Variants in ZC3H4 observed in about 807,000 individuals in gnomAD.
The protein encoded by ZC3H4 is zinc finger CCCH domain-containing protein 4.
Under a neutral mutation model 108.3 loss-of-function variants are expected in ZC3H4, and 13 were observed. That is an observed-to-expected ratio of 0.12 (90% CI 0.08 to 0.19). The LOEUF is 0.19. ZC3H4 is among the 10% of genes least tolerant of loss of function. The pLI, the probability that ZC3H4 is intolerant of heterozygous loss-of-function variation, is 1.00. For missense variants in ZC3H4, 1,734 were observed against 1,838.8 expected, an observed-to-expected ratio of 0.94 and a Z score of 1.04; for synonymous variants, 917 against 749.6, an observed-to-expected ratio of 1.22 and a Z score of -3.65.
Position 47,077,420 on chromosome 19 carries a change from A to G in ZC3H4, c.1440+4093T>C, listed in dbSNP as rs145763636. ...GAGGCGGAGGTTGCAGTGAGCCGAGATCGCATCATTGCACTCCAGCCTTGG... is the reference window on the plus strand; with the variant it reads ...GAGGCGGAGGTTGCAGTGAGCCGAGGTCGCATCATTGCACTCCAGCCTTGG... On this transcript the variant is annotated intron_variant, in intron 11 of 14. Coordinates refer to ENST00000253048, the MANE Select transcript of ZC3H4 (RefSeq NM_015168.2). Among the ~76,000 whole-genome samples the G allele has an allele frequency of 3.7e-3, 562 of 152,022 alleles. 5 individuals are homozygous for G. The South Asian group carries it at 0.037, about 10-fold the overall frequency.
chr19:47,072,853 G>T lies in ZC3H4; in HGVS notation c.1441-140C>A. 2 of 945,588 alleles carry T rather than the reference G, an allele frequency of 2.1e-6. No homozygotes were observed. The highest frequency in any genetic ancestry group is 1.7e-5 in the African/African-American group (1 of 60,198). The allele number at this position is 945,588 out of a possible 1,614,324, so 58.6% of individuals were successfully genotyped here. ...ATCTAAAGGCATAAAGACCACAATGGCTCTGTAACAAAAATCATCATCAGC... is the reference window on the plus strand; with the variant it reads ...ATCTAAAGGCATAAAGACCACAATGTCTCTGTAACAAAAATCATCATCAGC... On this transcript the variant is annotated intron_variant, in intron 11 of 14. Transcript: ENST00000253048. The surrounding 1 kb of genome is among the most constrained non-coding windows in gnomAD (Gnocchi z 5.6).
At chr19:47,108,150 T>C (rs1447102730) in intron 2 of ZC3H4, among the ~76,000 whole-genome samples, 1 of 152,162 alleles carries the variant, frequency 6.6e-6, no homozygotes, top group Non-Finnish European at 1.5e-5. Flanking sequence ...GTCATCCTTT[T>C]TTCTTAGCTG....
In ZC3H4 at chr19:47,066,500, G is replaced by A. The variant is rs746074614; in HGVS notation, c.3768C>T (p.Phe1256=). The change falls in exon 15 of 15, where the codon TTC becomes TTT. Residue 1256 remains phenylalanine, a synonymous_variant. Transcript: ENST00000253048. ...TCTTGGGTGTCTGCTTCACCGTCCC[G>A]AAGAGGGTGGGCACGGGCAGGTTGT... ...GVHNLPVPTL[F]GTVKQTPKTG... is the part of the protein sequence containing the mutation. 1.7e-5 allele frequency: 27 copies of A among 1,579,626 alleles called. No individual in the cohort carries two copies. Among genetic ancestry groups the A allele is most frequent in the South Asian group, 4.7e-5 (4 of 85,502 alleles).
At chr19:47,083,122 G>A (rs2057553094) in intron 9 of ZC3H4, among the ~76,000 whole-genome samples, 1 of 151,448 alleles carries the variant, frequency 6.6e-6, no homozygotes, top group African/African-American at 2.4e-5. Context: ...TTGACTCACT[G>A]CAACCTCCAC....
chr19:47,067,545 C>A lies in ZC3H4; in HGVS notation c.2723G>T (p.Ser908Ile). Residue 908 changes from serine (S) to isoleucine (I), a missense_variant, in exon 15 of 15, where the codon AGC becomes ATC. Ser to Ile is a moderately radical substitution (Grantham distance 142, BLOSUM62 -2). This residue lies in a region of ZC3H4 where 540 missense variants were observed against 484.1 expected (regional missense o/e 1.12). Coordinates refer to ENST00000253048, the MANE Select transcript of ZC3H4 (RefSeq NM_015168.2). The surrounding 1 kb of genome is among the most constrained non-coding windows in gnomAD (Gnocchi z 6.4). ...CTTGGAACTGCTGGGGCCCACAGGG[C>A]TGGAATGAAGGCTGCCTTCGGGCTT... ...TSKPEGSLHS[S>I]PVGPSSSKGS... The A allele has an allele frequency of 6.2e-7, 1 of 1,600,442 alleles. No homozygotes were observed. Among genetic ancestry groups the A allele is most frequent in the South Asian group, 1.1e-5 (1 of 88,942 alleles).
At chr19:47,094,802 T>TCTAAC (rs1321038612) in intron 2 of ZC3H4, among the ~76,000 whole-genome samples, 194 bp from the exon 3 acceptor site, 3 of 152,272 alleles carry the variant, frequency 2.0e-5, no homozygotes, top group African/African-American at 7.2e-5. Context: ...CTTGCTCCAG[T>TCTAAC]CTAACCTGGC....
intron 2 of ZC3H4, among the ~76,000 whole-genome samples, chr19:47,104,403 G>A (rs1472808316): frequency 1.3e-5 from 2 of 152,204 alleles, no homozygotes; most frequent in East Asian, 3.8e-4. Flanking sequence ...CTTAAGGGCA[G>A]ACAAGAATGA....
At chr19:47,070,220 G>A (rs1370358879) in intron 13 of ZC3H4, among the ~76,000 whole-genome samples, 1 of 152,188 alleles carries the variant, frequency 6.6e-6, no homozygotes, top group Non-Finnish European at 1.5e-5. Flanking sequence ...ACATGTGGCC[G>A]CCTAGATCCT....
chr19:47,068,447 G>A (rs1298273148), intron 14 of ZC3H4, among the ~76,000 whole-genome samples: 25 of 152,224 alleles, frequency 1.6e-4, no homozygotes, highest in Admixed American at 1.6e-3. Context: ...ACCAACCGCA[G>A]TCACCAGCTG....
intron 11 of ZC3H4, among the ~76,000 whole-genome samples, chr19:47,078,981 C>T (rs894419600): frequency 4.1e-5 from 6 of 146,210 alleles, no homozygotes; most frequent in Admixed American, 1.4e-4. Flanking sequence ...GAGCAGAGAT[C>T]GCGCCATTGC....
In ZC3H4 at chr19:47,066,314, C is replaced by T; in HGVS notation, c.*42G>A. 6.9e-7 allele frequency: 1 copy of T among 1,451,936 alleles called. No individual in the cohort carries two copies. Among genetic ancestry groups the T allele is most frequent in the Non-Finnish European group, 9.1e-7 (1 of 1,099,398 alleles). 89.9% of individuals were successfully genotyped at this position (1,451,936 alleles called of 1,614,324 possible). A position where few individuals can be genotyped will look rare whatever the true frequency, so the allele number is the denominator to read the frequency against. ...CTACCCTGGGTGCTGCCCTGAATGCCACCCTAGGAAGGGTGGCTGGAGCCG... is the reference window on the plus strand; with the variant it reads ...CTACCCTGGGTGCTGCCCTGAATGCTACCCTAGGAAGGGTGGCTGGAGCCG... On this transcript the variant is annotated 3_prime_UTR_variant, in exon 15 of 15. Coordinates refer to ENST00000253048, the MANE Select transcript of ZC3H4 (RefSeq NM_015168.2).
rs545815149 is a variant in ZC3H4 at position 47,070,126 on chromosome 19, C to G, written c.2147-783G>C. Among the ~76,000 whole-genome samples the G allele has an allele frequency of 4.0e-5, 6 of 150,582 alleles. No individual in the cohort carries two copies. The East Asian group carries it at 1.2e-3, about 29-fold the overall frequency. On this transcript the variant is annotated intron_variant, in intron 13 of 14. Transcript: ENST00000253048. ...GTGAGCATGGGAGACATCGAATCAC[C>G]GAAACGGAGGGGGGGGCGTCTGGAG...
chr19:47,066,849 C>T lies in ZC3H4; in HGVS notation c.3419G>A (p.Ser1140Asn), dbSNP rs1036202111. Residue 1140 changes from serine (S) to asparagine (N), a missense_variant, in exon 15 of 15, where the codon AGC becomes AAC. Ser to Asn is a conservative substitution (Grantham distance 46). This residue lies in a region of ZC3H4 where 518 missense variants were observed against 499.6 expected (regional missense o/e 1.04). Coordinates refer to ENST00000253048, the MANE Select transcript of ZC3H4 (RefSeq NM_015168.2). ...GLGQGGGGGQSSVLSGISLYD... is the reference protein window; with the variant it reads ...GLGQGGGGGQNSVLSGISLYD... ...GAGGCTGATACCGCTCAGCACACTG[C>T]TCTGCCCGCCCCCTCCGCCCTGGCC... 6.3e-7 allele frequency: 1 copy of T among 1,599,008 alleles called. No individual in the cohort carries two copies. Among genetic ancestry groups the T allele is most frequent in the Non-Finnish European group, 8.5e-7 (1 of 1,179,294 alleles).
At chr19:47,070,131 C>CGGG (rs201848662) in intron 13 of ZC3H4, among the ~76,000 whole-genome samples, 5 of 151,222 alleles carry the variant, frequency 3.3e-5, no homozygotes, top group African/African-American at 1.2e-4. Context: ...ATCACCGAAA[C>CGGG]GGAGGGGGGG....
intron 2 of ZC3H4, among the ~76,000 whole-genome samples, chr19:47,099,320 T>A (rs9304665): frequency 0.67 from 101,586 of 151,748 alleles, 35,032 homozygotes; most frequent in Non-Finnish European, 0.77. Context: ...TTAGTCGGGC[T>A]TGGAAGAACA....
chr19:47,107,087 A>G (rs554338049), intron 2 of ZC3H4, among the ~76,000 whole-genome samples: 1 of 152,200 alleles, frequency 6.6e-6, no homozygotes, highest in Non-Finnish European at 1.5e-5. Context: ...TGACCATTTG[A>G]GCATCCATAA....
chr19:47,067,075 TGGAACCGGGGGCGGCCGA>T lies in ZC3H4; in HGVS notation c.3175_3192del (p.Ala1060_Ser1065del). 6.2e-7 allele frequency: 1 copy of T among 1,609,222 alleles called. No homozygotes were observed. The highest frequency in any genetic ancestry group is 8.5e-7 in the Non-Finnish European group (1 of 1,177,984). On this transcript the variant is annotated inframe_deletion, in exon 15 of 15. Transcript: ENST00000253048. This position sits in a 1 kb window ranked among gnomAD's most constrained non-coding sequence, Gnocchi z 6.4. ...ACCCGGGGGTCACTGGGTTTGTCGC[TGGAACCGGGGGCGGCCGA>T]GGAGCCGGTGGCATTGACTGTCTTG... is the stretch of plus-strand genomic sequence containing the variant.
intron 1 of ZC3H4, 193 bp downstream of exon 1, chr19:47,113,527 T>A (rs2058066465): frequency 6.6e-6 from 1 of 152,004 alleles, no homozygotes. Flanking sequence ...GCAGCCAGGG[T>A]AATGCGATTA....
At chr19:47,071,626 G>A in intron 13 of ZC3H4, 152 bp downstream of exon 13, 1 of 767,544 alleles carries the variant, frequency 1.3e-6, no homozygotes, top group East Asian at 2.8e-5. Flanking sequence ...TACATCCTAT[G>A]TCACTGAAAA....
Sources: gnomAD v4.1 joint callset for allele counts (sites outside exome capture counted in the v4.1 genomes callset) on GRCh38, gnomAD v4.1.1 for gene constraint, gnomAD v4.1.1 regional missense constraint, Gnocchi (gnomAD v3.1) non-coding constraint, MANE v1.5 for transcripts, NCBI Gene and HGNC (gene_info 2026-07-23, HGNC 2026-07-21) for gene names.